Variants in HMCN1 observed in about 807,000 individuals in gnomAD.
HMCN1 encodes the protein hemicentin 1, also known as hemicentin-1.
Under a neutral mutation model 625.9 loss-of-function variants are expected in HMCN1, and 321 were observed. The observed-to-expected ratio is 0.51, with a 90% CI of 0.47 to 0.56. The LOEUF is 0.56. Ranked by LOEUF, HMCN1 falls within the 20% of genes least tolerant of loss-of-function variation. The probability of loss-of-function intolerance (pLI) is 0.00; values close to 1 mark genes in which losing one functional copy is unlikely to be tolerated. For missense variants in HMCN1, 6,588 were observed against 6,887.3 expected (o/e 0.96, Z 1.54); for synonymous variants, 2,425 against 2,417.6 (o/e 1.00, Z -0.09).
intron 1 of HMCN1, among the ~76,000 whole-genome samples, chr1:185,839,165 T>C (rs1184366046): frequency 1.3e-5 from 2 of 152,194 alleles, no homozygotes; most frequent in Non-Finnish European, 2.9e-5. Context: ...CTCTTCTTCA[T>C]CAACATTTTA....
At chr1:185,863,274 T>A (rs899948701) in intron 2 of HMCN1, among the ~76,000 whole-genome samples, 2 of 152,230 alleles carry the variant, frequency 1.3e-5, no homozygotes, top group African/African-American at 4.8e-5. Context: ...GGCCCTGACC[T>A]CCTTCAGGAC....
At chr1:185,815,870 T>C (rs991897781) in intron 1 of HMCN1, among the ~76,000 whole-genome samples, 1 of 150,202 alleles carries the variant, frequency 6.7e-6, no homozygotes, top group Non-Finnish European at 1.5e-5. Flanking sequence ...TTGTTTCTTA[T>C]TATAATTTAA....
chr1:186,003,804 G>A lies in HMCN1; in HGVS notation c.4435G>A (p.Gly1479Ser), dbSNP rs751544154. Residue 1479 changes from glycine (G) to serine (S), a missense_variant, in exon 29 of 107, where the codon GGC becomes AGC. Around this residue, in one of 3 missense-constraint regions of HMCN1, gnomAD observed 4,628 missense variants for 4,853.1 expected, o/e 0.95. Transcript: ENST00000271588. ...RDVALECQVK[G>S]TPFPDIHWFK... ...CGTCGCCCTTGAATGCCAGGTCAAA[G>A]GCACTCCCTTTCCTGATATTCATTG... The A allele has an allele frequency of 1.7e-5, 28 of 1,613,200 alleles. No individual in the cohort carries two copies. Among genetic ancestry groups the A allele is most frequent in the Non-Finnish European group, 2.1e-5 (25 of 1,179,468 alleles).
intron 15 of HMCN1, among the ~76,000 whole-genome samples, chr1:185,973,388 T>G (rs570623022): frequency 6.6e-6 from 1 of 152,224 alleles, no homozygotes; most frequent in South Asian, 2.1e-4. Flanking sequence ...TTCAGCTTAA[T>G]TTTTTAAAGA....
At position 185,909,528 on chromosome 1, in the gene HMCN1, A is replaced by G. The variant is rs1666297283; in HGVS notation, c.793+20A>G. On this transcript the variant is annotated intron_variant, in intron 5 of 106. Transcript: ENST00000271588. ...CTTTAGGTGAGATATATCAAACATC[A>G]CATAATAAAATACAAAATACATAGA... 6.2e-7 allele frequency: 1 copy of G among 1,601,120 alleles called. No homozygotes were observed. Among genetic ancestry groups the G allele is most frequent in the Non-Finnish European group, 8.6e-7 (1 of 1,168,522 alleles).
chr1:185,911,456 A>G (rs1666416013), intron 5 of HMCN1, among the ~76,000 whole-genome samples: 1 of 152,196 alleles, frequency 6.6e-6, no homozygotes, highest in Non-Finnish European at 1.5e-5. Context: ...TATAAGTGTC[A>G]ATCAGGTCAT....
intron 20 of HMCN1, among the ~76,000 whole-genome samples, chr1:185,988,725 C>G (rs892020560): frequency 6.6e-6 from 1 of 152,194 alleles, no homozygotes; most frequent in Non-Finnish European, 1.5e-5. Context: ...ATTTCAACCC[C>G]AGCTCTACCA....
intron 82 of HMCN1, among the ~76,000 whole-genome samples, chr1:186,126,295 C>A (rs942875329): frequency 6.6e-6 from 1 of 151,930 alleles, no homozygotes; most frequent in Non-Finnish European, 1.5e-5. Context: ...AAATATTCAA[C>A]AAATATTTAT....
intron 70 of HMCN1, 51 bp from the exon 71 acceptor site, chr1:186,108,410 G>T: frequency 6.2e-7 from 1 of 1,612,754 alleles, no homozygotes; most frequent in Non-Finnish European, 8.5e-7. Context: ...ACATTTTTTG[G>T]ATACCTATGA....
chr1:186,021,933 G>A (rs1654749414), intron 35 of HMCN1, among the ~76,000 whole-genome samples: 1 of 152,012 alleles, frequency 6.6e-6, no homozygotes, highest in South Asian at 2.1e-4. Context: ...TGGAAAACAG[G>A]GGATCTGAGA....
rs6425017 is a variant in HMCN1 at position 186,086,239 on chromosome 1, A to G, written c.8885-7A>G. Reference sequence around the variant, plus strand: ...TGCTTTCACTTTTAATATATTTACTATTATAGTTCCTCCAAGTGTCATTGG... The same window carrying G: ...TGCTTTCACTTTTAATATATTTACTGTTATAGTTCCTCCAAGTGTCATTGG... On this transcript the variant is annotated splice_polypyrimidine_tract_variant and splice_region_variant and intron_variant, in intron 57 of 106. Coordinates refer to ENST00000271588, the MANE Select transcript of HMCN1 (RefSeq NM_031935.3). The G allele has an allele frequency of 0.54, 865,748 of 1,603,608 alleles. 240,089 individuals are homozygous for G. The highest frequency in any genetic ancestry group is 0.87 in the African/African-American group (65,120 of 74,662).
chr1:186,015,937 T>A (rs1313207111), intron 31 of HMCN1, 21 bp from the exon 32 acceptor site: 1 of 1,606,518 alleles, frequency 6.2e-7, no homozygotes, highest in Non-Finnish European at 8.5e-7. Flanking sequence ...TTGCCTGAAA[T>A]ATTGCTATGT....
At chr1:185,745,054 A>C (rs1654293529) in intron 1 of HMCN1, among the ~76,000 whole-genome samples, 1 of 152,204 alleles carries the variant, frequency 6.6e-6, no homozygotes, top group South Asian at 2.1e-4. Flanking sequence ...TCTAAAAAAA[A>C]AGAAATATAA....
At chr1:185,922,235 T>A (rs1667038011) in intron 6 of HMCN1, 144 bp from the exon 7 acceptor site, 1 of 881,706 alleles carries the variant, frequency 1.1e-6, no homozygotes, top group Non-Finnish European at 1.9e-6. Context: ...GAATCCTAGT[T>A]ATGTTGAGAA....
chr1:185,828,280 T>C (rs1190960809), intron 1 of HMCN1, among the ~76,000 whole-genome samples: 3 of 152,064 alleles, frequency 2.0e-5, no homozygotes, highest in Non-Finnish European at 4.4e-5. Flanking sequence ...AGTGGAAGCA[T>C]AGTAAATACA....
At chr1:186,151,856 TTA>T in intron 95 of HMCN1, 113 bp downstream of exon 95, 2 of 1,085,202 alleles carry the variant, frequency 1.8e-6, no homozygotes, top group Admixed American at 4.3e-5. Flanking sequence ...TTACGCAATC[TTA>T]TAAGTGATAT....
chr1:186,031,602 C>T (rs1034021533), intron 36 of HMCN1, among the ~76,000 whole-genome samples: 2 of 152,000 alleles, frequency 1.3e-5, no homozygotes, highest in Admixed American at 1.3e-4. Context: ...GGCATTCTTT[C>T]TGTACCTTTC....
intron 6 of HMCN1, among the ~76,000 whole-genome samples, chr1:185,920,338 C>G (rs1161722984): frequency 1.3e-5 from 2 of 152,084 alleles, no homozygotes; most frequent in Non-Finnish European, 2.9e-5. Flanking sequence ...AAAATGGACT[C>G]ACTTGAAGAT....
At chr1:185,766,298 A>G (rs1187903141) in intron 1 of HMCN1, among the ~76,000 whole-genome samples, 2 of 152,142 alleles carry the variant, frequency 1.3e-5, no homozygotes, top group Non-Finnish European at 2.9e-5. Context: ...AGAAAATGAG[A>G]ACTCAGAGAC....
Sources: gnomAD v4.1 joint callset for allele counts (sites outside exome capture counted in the v4.1 genomes callset) on GRCh38, gnomAD v4.1.1 for gene constraint, gnomAD v4.1.1 regional missense constraint, MANE v1.5 for transcripts, NCBI Gene and HGNC (gene_info 2026-07-23, HGNC 2026-07-21) for gene names.